DEFB116: variants seen among roughly 807,000 people sequenced by gnomAD.
DEFB116 encodes defensin beta 116.
DEFB116 carries 5 observed loss-of-function variants against 2.8 expected under a neutral mutation model. The observed-to-expected ratio is 1.80, with a 90% CI of 0.94 to 3.79. DEFB116 has a LOEUF of 3.79. Among genes scored for constraint, DEFB116 ranks in the 30% most tolerant of loss-of-function variants. The pLI, the probability that DEFB116 is intolerant of heterozygous loss-of-function variation, is 0.00. For synonymous variants in DEFB116, 56 were observed against 40.8 expected (o/e 1.37, Z -1.42); for missense variants, 170 against 118.0 (o/e 1.44, Z -2.04).
intron 1 of DEFB116, among the ~76,000 whole-genome samples, chr20:31,304,979 G>A (rs1984960621): frequency 6.6e-6 from 1 of 152,080 alleles, no homozygotes; most frequent in African/African-American, 2.4e-5. Flanking sequence ...AAAGAAGAGG[G>A]AAATGCCTCC....
At chr20:31,303,533 C>T (rs1029300665) in intron 1 of DEFB116, 80 bp from the exon 2 acceptor site, 2 of 1,550,546 alleles carry the variant, frequency 1.3e-6, no homozygotes, top group Non-Finnish European at 1.7e-6. Context: ...GGAACACGCC[C>T]TAAGACTATT....
intron 1 of DEFB116, among the ~76,000 whole-genome samples, chr20:31,305,699 C>T (rs115591886): frequency 0.019 from 2,963 of 152,012 alleles, 69 homozygotes; most frequent in African/African-American, 0.056. Flanking sequence ...TATTTTAACC[C>T]TCTGGACCCA....
chr20:31,303,822 G>T (rs1984936614), intron 1 of DEFB116, among the ~76,000 whole-genome samples: 1 of 152,062 alleles, frequency 6.6e-6, no homozygotes, highest in South Asian at 2.1e-4. Flanking sequence ...AGGTTTCAAG[G>T]TATGCCACTG....
At chr20:31,304,690 A>G (rs1984953922) in intron 1 of DEFB116, among the ~76,000 whole-genome samples, 1 of 152,042 alleles carries the variant, frequency 6.6e-6, no homozygotes, top group African/African-American at 2.4e-5. Context: ...AACCGAGTTC[A>G]AAATCCTTAG....
intron 1 of DEFB116, among the ~76,000 whole-genome samples, chr20:31,304,536 C>A (rs929939359): frequency 5.9e-5 from 9 of 152,118 alleles, no homozygotes; most frequent in African/African-American, 1.4e-4. Context: ...TATACTTGAT[C>A]AAGCCAGTAT....
chr20:31,303,786 T>A (rs1240080966), intron 1 of DEFB116, among the ~76,000 whole-genome samples: 1 of 152,136 alleles, frequency 6.6e-6, no homozygotes, highest in Non-Finnish European at 1.5e-5. Context: ...ATGTAGTTGA[T>A]ATGAAAGTCT....
intron 1 of DEFB116, among the ~76,000 whole-genome samples, chr20:31,306,207 T>C (rs1291260888): frequency 1.3e-5 from 2 of 152,162 alleles, no homozygotes; most frequent in Non-Finnish European, 2.9e-5. Flanking sequence ...TTATTAGCCA[T>C]GATTCATTAC....
chr20:31,304,717 C>A (rs974747206), intron 1 of DEFB116, among the ~76,000 whole-genome samples: 1 of 151,992 alleles, frequency 6.6e-6, no homozygotes, highest in East Asian at 1.9e-4. Flanking sequence ...ATTCAAGGAC[C>A]TTTTCAACCA....
chr20:31,308,322 C>T (rs1985042080), intron 1 of DEFB116, among the ~76,000 whole-genome samples, 197 bp downstream of exon 1: 1 of 152,104 alleles, frequency 6.6e-6, no homozygotes, highest in Non-Finnish European at 1.5e-5. Context: ...ACAACCTCTT[C>T]AATTTGTCTT....
At chr20:31,307,314 A>G (rs909172066) in intron 1 of DEFB116, among the ~76,000 whole-genome samples, 2 of 152,300 alleles carry the variant, frequency 1.3e-5, no homozygotes, top group Middle Eastern at 3.4e-3. Context: ...GGACATATTC[A>G]TGACAGTATA....
Position 31,304,235 on chromosome 20 carries a change from G to A in DEFB116, c.68-782C>T, listed in dbSNP as rs76909038. 9.2e-5 allele frequency among the ~76,000 whole-genome samples: 14 copies of A among 152,182 alleles called. No individual in the cohort carries two copies. The East Asian group carries it at 2.7e-3, about 29-fold the overall frequency. On this transcript the variant is annotated intron_variant, in intron 1 of 1. Coordinates refer to ENST00000400549, the MANE Select transcript of DEFB116 (RefSeq NM_001037731.1). ...GTACATGAGTGAACATAAGCTCTTT[G>A]CCTGAAAATACCCCAGTGACAAAGT...
chr20:31,305,778 GT>G (rs113226898), intron 1 of DEFB116, among the ~76,000 whole-genome samples: 7 of 151,768 alleles, frequency 4.6e-5, no homozygotes, highest in Non-Finnish European at 1.0e-4. Context: ...CTGTGTTTGT[GT>G]AAAAAAGAGG....
rs145139050 is a variant in DEFB116 at position 31,306,720 on chromosome 20, G to A, written c.67+1799C>T. 8.4e-3 allele frequency among the ~76,000 whole-genome samples: 1,283 copies of A among 152,144 alleles called. 19 individuals carry two copies. The highest frequency in any genetic ancestry group is 0.029 in the African/African-American group (1,191 of 41,504). On this transcript the variant is annotated intron_variant, in intron 1 of 1. Coordinates refer to ENST00000400549, the MANE Select transcript of DEFB116 (RefSeq NM_001037731.1). ...AAACAGAGAAGAAAGAGGAAGAGGAGGAGAAACCTCTAGATCAGATGAATC... is the reference window on the plus strand; with the variant it reads ...AAACAGAGAAGAAAGAGGAAGAGGAAGAGAAACCTCTAGATCAGATGAATC...
At chr20:31,308,470 C>A (rs1029496231) in intron 1 of DEFB116, 49 bp downstream of exon 1, 9 of 1,592,806 alleles carry the variant, frequency 5.7e-6, no homozygotes, top group Non-Finnish European at 7.8e-6. Context: ...CACCAAGATA[C>A]CAGTACCACA....
Position 31,308,534 on chromosome 20 carries a change from C to A in DEFB116, c.52G>T (p.Ala18Ser), listed in dbSNP as rs780228144. The change falls in exon 1 of 2, where the codon GCT becomes TCT. Residue 18 changes from alanine to serine, a missense_variant. Physicochemically the swap from Ala to Ser is moderately conservative, Grantham distance 99. Coordinates refer to ENST00000400549, the MANE Select transcript of DEFB116 (RefSeq NM_001037731.1). ...LMTIAILMIL[A>S]QKTPGGLFRS... Reference sequence around the variant, plus strand: ...CCTGAGTTACCTGGAGTCTTTTGAGCCAGGATCATAAGGATGGCAATGGTC... The same window carrying A: ...CCTGAGTTACCTGGAGTCTTTTGAGACAGGATCATAAGGATGGCAATGGTC... The A allele has an allele frequency of 6.2e-7, 1 of 1,613,326 alleles. No individual in the cohort carries two copies. Among genetic ancestry groups the A allele is most frequent in the African/African-American group, 1.3e-5 (1 of 74,836 alleles).
chr20:31,305,789 G>A (rs576844890), intron 1 of DEFB116, among the ~76,000 whole-genome samples: 1 of 151,996 alleles, frequency 6.6e-6, no homozygotes, highest in African/African-American at 2.4e-5. Flanking sequence ...TAAAAAAGAG[G>A]TTAATAAGAT....
chr20:31,303,510 A>C, intron 1 of DEFB116, 57 bp from the exon 2 acceptor site: 1 of 1,593,832 alleles, frequency 6.3e-7, no homozygotes. Context: ...AGGGTGATGA[A>C]GCATGATTTA....
chr20:31,304,474 GA>G (rs1984949188), intron 1 of DEFB116, among the ~76,000 whole-genome samples: 29 of 152,058 alleles, frequency 1.9e-4, no homozygotes, highest in Non-Finnish European at 2.9e-5. Context: ...CTCTTTAGAT[GA>G]AGACACTGAG....
chr20:31,303,557 C>T (rs780576220), intron 1 of DEFB116, 104 bp from the exon 2 acceptor site: 1 of 1,475,758 alleles, frequency 6.8e-7, no homozygotes, highest in South Asian at 1.4e-5. Flanking sequence ...GGCACAAGAT[C>T]TGGAATCAAA....
Sources: allele counts gnomAD v4.1 joint callset (sites outside exome capture counted in the v4.1 genomes callset), GRCh38; gene constraint gnomAD v4.1.1; transcripts MANE v1.5; gene names NCBI Gene and HGNC (gene_info 2026-07-23, HGNC 2026-07-21).